PAPLN: variants seen among roughly 807,000 people sequenced by gnomAD.
The protein encoded by PAPLN is papilin.
PAPLN carries 146 observed loss-of-function variants against 159.0 expected under a neutral mutation model. The ratio of observed to expected loss-of-function variants is 0.92; its 90% confidence interval spans 0.80 to 1.05. PAPLN has a LOEUF of 1.05. Ranked by LOEUF, PAPLN falls within the 50% of genes least tolerant of loss-of-function variation. The pLI is 0.00. For missense variants in PAPLN, 1,720 were observed against 1,743.9 expected, an observed-to-expected ratio of 0.99 and a Z score of 0.24; for synonymous variants, 734 against 702.9, an observed-to-expected ratio of 1.04 and a Z score of -0.70.
chr14:73,254,235 A>G (rs1189437703), intron 12 of PAPLN, among the ~76,000 whole-genome samples: 1 of 152,156 alleles, frequency 6.6e-6, no homozygotes, highest in Non-Finnish European at 1.5e-5. Context: ...AGGAGCTGGA[A>G]GTGTCTAGGC....
intron 14 of PAPLN, among the ~76,000 whole-genome samples, chr14:73,258,618 T>TCAAAAAAAAAAAAAAAAAAAAAA (rs1886187433): frequency 1.3e-5 from 1 of 75,788 alleles, no homozygotes; most frequent in East Asian, 6.7e-4. Context: ...ACCCTATCTC[T>TCAAAAAAAAAAAAAAAAAAAAAA]AAAAAAAAAA....
chr14:73,263,689 T>C lies in PAPLN; in HGVS notation c.2768T>C (p.Leu923Pro). 6.2e-7 allele frequency: 1 copy of C among 1,613,424 alleles called. No homozygotes were observed. The highest frequency in any genetic ancestry group is 8.5e-7 in the Non-Finnish European group (1 of 1,179,974). ...GAGCCCTCGTTGGTGCAGGCAGCCC[T>C]GGGGCAGTTGGTGCGGCTCTCCTGC... The part of the protein sequence containing the change: ...GVEPSLVQAA[L>P]GQLVRLSCSD... Residue 923 changes from leucine to proline, a missense_variant, in exon 20 of 27, where the codon CTG becomes CCG. Leu to Pro is a moderately conservative substitution (Grantham distance 98). Transcript: ENST00000644200.
At chr14:73,253,098 G>C in intron 11 of PAPLN, 1 of 1,392,186 alleles carries the variant, frequency 7.2e-7, no homozygotes, top group Non-Finnish European at 9.6e-7. Flanking sequence ...ATGCCAAGGG[G>C]TGGGCCAGGG....
intron 6 of PAPLN, 71 bp downstream of exon 6, chr14:73,250,185 T>C (rs933013318): frequency 2.7e-6 from 4 of 1,480,898 alleles, no homozygotes; most frequent in Non-Finnish European, 3.6e-6. Context: ...TCCCTGTCCA[T>C]CACCCATAGG....
intron 19 of PAPLN, 125 bp downstream of exon 19, chr14:73,262,952 G>C: frequency 1.1e-6 from 1 of 929,538 alleles, no homozygotes; most frequent in Non-Finnish European, 1.5e-6. Flanking sequence ...TCTCCCGAGA[G>C]CCCTGCCTGG....
rs753668489 is a variant in PAPLN at position 73,259,383 on chromosome 14, C to T, written c.1823C>T (p.Pro608Leu). Reference protein sequence around the residue: ...DQGTHLSALGPAPSLQQPPYQ... With the variant: ...DQGTHLSALGLAPSLQQPPYQ... The stretch of plus-strand genomic sequence containing the variant: ...GGCACCCACCTGTCAGCCCTGGGCC[C>T]CGCTCCCTCTCTGCAGCAGCCCCCA... Residue 608 changes from proline (P) to leucine (L), a missense_variant, in exon 16 of 27, where the codon CCC becomes CTC. Transcript: ENST00000644200. 3.1e-6 allele frequency: 5 copies of T among 1,612,618 alleles called. No individual in the cohort carries two copies. The highest frequency in any genetic ancestry group is 4.2e-6 in the Non-Finnish European group (5 of 1,179,422).
intron 5 of PAPLN, 162 bp from the exon 6 acceptor site, chr14:73,249,822 A>C: frequency 1.5e-6 from 1 of 649,558 alleles, no homozygotes. Context: ...AGATTCATGG[A>C]GACGGTCCCT....
chr14:73,270,953 G>A (rs942499818), intron 26 of PAPLN, among the ~76,000 whole-genome samples: 2 of 152,154 alleles, frequency 1.3e-5, no homozygotes, highest in Non-Finnish European at 2.9e-5. Flanking sequence ...GCCTTGGGGT[G>A]GTCAGGCTGA....
chr14:73,238,390 C>T (rs1349300477), intron 1 of PAPLN, among the ~76,000 whole-genome samples: 1 of 152,228 alleles, frequency 6.6e-6, no homozygotes, highest in Non-Finnish European at 1.5e-5. Flanking sequence ...AGCCCCGTGA[C>T]CAGACCCGGA....
Position 73,263,734 on chromosome 14 carries a change from A to G in PAPLN, c.2813A>G (p.Glu938Gly). The G allele has an allele frequency of 6.2e-7, 1 of 1,610,110 alleles. No individual in the cohort carries two copies. The highest frequency in any genetic ancestry group is 1.1e-5 in the South Asian group (1 of 91,086). Residue 938 changes from glutamate to glycine, a missense_variant, in exon 20 of 27, where the codon GAA becomes GGA. Transcript: ENST00000644200. ...TCCTGCTCAGACGACACTGCCCCGG[A>G]ATCCCAGGCTGCCTGGCAGAAAGAT... ...RLSCSDDTAP[E>G]SQAAWQKDGQ... is the part of the protein sequence containing the mutation.
At position 73,261,216 on chromosome 14, in the gene PAPLN, C is replaced by T. The variant is rs1464946382; in HGVS notation, c.2167C>T (p.Gln723Ter). 1.9e-6 allele frequency: 3 copies of T among 1,614,046 alleles called. No homozygotes were observed. The highest frequency in any genetic ancestry group is 2.5e-6 in the Non-Finnish European group (3 of 1,180,034). ...QNEPSECRGS[Q>*]FGCCYDNVAT... ...TGAGCCCAGTGAGTGCCGGGGCTCCCAGTTTGGCTGTTGCTATGACAACGT... is the reference window on the plus strand; with the variant it reads ...TGAGCCCAGTGAGTGCCGGGGCTCCTAGTTTGGCTGTTGCTATGACAACGT... Residue 723 changes from glutamine (Q) to a stop codon, truncating the protein, a stop_gained, in exon 18 of 27, where the codon CAG (glutamine) becomes TAG (stop). Coordinates refer to ENST00000644200, the MANE Select transcript of PAPLN (RefSeq NM_001365906.3). LOFTEE classifies it high-confidence loss of function.
rs535095570 is a variant in PAPLN, at chr14:73,266,521, G to T, written c.3284G>T (p.Gly1095Val). 4.3e-6 allele frequency: 7 copies of T among 1,614,068 alleles called. No homozygotes were observed. The highest frequency in any genetic ancestry group is 1.7e-4 in the Middle Eastern group (1 of 6,060). Residue 1095 changes from glycine to valine, a missense_variant, in exon 24 of 27, where the codon GGC (glycine) becomes GTC (valine). Physicochemically the swap from Gly to Val is moderately radical, Grantham distance 109. Transcript: ENST00000644200. Reference sequence around the variant, plus strand: ...CCCAGACACCAGCTGCAGCCTGATGGCTCCCTGGTCATTAGCCGAGTGGCT... The same window carrying T: ...CCCAGACACCAGCTGCAGCCTGATGTCTCCCTGGTCATTAGCCGAGTGGCT... Reference protein sequence around the residue: ...SSPRHQLQPDGSLVISRVAVE... With the variant: ...SSPRHQLQPDVSLVISRVAVE...
intron 14 of PAPLN, among the ~76,000 whole-genome samples, chr14:73,255,944 C>T (rs186189416): frequency 1.3e-5 from 2 of 152,184 alleles, no homozygotes; most frequent in Non-Finnish European, 2.9e-5. Flanking sequence ...TTAAAAAGAG[C>T]GACTTTCCAG....
chr14:73,271,834 C>T (rs1363405336), intron 26 of PAPLN, among the ~76,000 whole-genome samples: 1 of 150,920 alleles, frequency 6.6e-6, no homozygotes, highest in Non-Finnish European at 1.5e-5. Flanking sequence ...GAGATACAGA[C>T]GTTCCTAGTA....
Position 73,244,668 on chromosome 14 carries a change from G to T in PAPLN, c.79G>T (p.Asp27Tyr). 6.3e-7 allele frequency: 1 copy of T among 1,592,592 alleles called. No individual in the cohort carries two copies. Among genetic ancestry groups the T allele is most frequent in the Non-Finnish European group, 8.5e-7 (1 of 1,170,330 alleles). The change falls in exon 3 of 27, where the codon GAC (aspartate) becomes TAC (tyrosine). Residue 27 changes from aspartate (D) to tyrosine (Y), a missense_variant. Asp to Tyr is a radical substitution (Grantham distance 160). Transcript: ENST00000644200. ...GGCTCCCAAGGTGAGGCGGCAGAGT[G>T]ACACCTGGGGACCCTGGAGCCAGTG... is the stretch of plus-strand genomic sequence containing the variant. ...SSAPKVRRQS[D>Y]TWGPWSQWSP...
chr14:73,255,718 GACTC>G (rs1349424925), intron 14 of PAPLN, among the ~76,000 whole-genome samples: 1 of 152,148 alleles, frequency 6.6e-6, no homozygotes, highest in African/African-American at 2.4e-5. Context: ...GTTTGGCCTT[GACTC>G]ACTCGTGATG....
chr14:73,252,073 G>A lies in PAPLN; in HGVS notation c.899G>A (p.Arg300His), dbSNP rs974467079. The change falls in exon 10 of 27, where the codon CGC becomes CAC. Residue 300 changes from arginine (R) to histidine (H), a missense_variant. Coordinates refer to ENST00000644200, the MANE Select transcript of PAPLN (RefSeq NM_001365906.3). ...CACTATGAGTACCACCTGCCCCTGC[G>A]CCGCCCCAGCCCCGGCTTCAGCTGG... Reference protein sequence around the residue: ...GVHYEYHLPLRRPSPGFSWSH... With the variant: ...GVHYEYHLPLHRPSPGFSWSH... The A allele has an allele frequency of 5.0e-6, 8 of 1,611,606 alleles. No homozygotes were observed. In the African/African-American group the frequency reaches 5.3e-5, roughly 11 times the overall value.
In PAPLN at chr14:73,262,337, C is replaced by T. The variant is rs558100268; in HGVS notation, c.2246-13C>T. The T allele has an allele frequency of 3.1e-6, 5 of 1,598,996 alleles. No homozygotes were observed. The highest frequency in any genetic ancestry group is 4.3e-6 in the Non-Finnish European group (5 of 1,170,926). ...GGCACCTCAGTGACTTATATCACAC[C>T]CATGCCCTGCAGCCTACCCCGTGCG... On this transcript the variant is annotated splice_polypyrimidine_tract_variant and intron_variant, in intron 18 of 26. Coordinates refer to ENST00000644200, the MANE Select transcript of PAPLN (RefSeq NM_001365906.3).
intron 16 of PAPLN, among the ~76,000 whole-genome samples, chr14:73,260,182 G>A (rs764191110): frequency 2.0e-5 from 3 of 152,152 alleles, no homozygotes; most frequent in Admixed American, 6.5e-5. Flanking sequence ...TCTGAGAAAT[G>A]GGAATGATGA....
Sources: gnomAD v4.1 joint callset for allele counts (sites outside exome capture counted in the v4.1 genomes callset) on GRCh38, gnomAD v4.1.1 for gene constraint, MANE v1.5 for transcripts, NCBI Gene and HGNC (gene_info 2026-07-23, HGNC 2026-07-21) for gene names.